LAYN: variants seen among roughly 807,000 people sequenced by gnomAD.
LAYN encodes layilin.
LAYN carries 38 observed loss-of-function variants against 43.6 expected under a neutral mutation model. That is an observed-to-expected ratio of 0.87 (90% CI 0.67 to 1.14). The LOEUF (loss-of-function observed/expected upper bound fraction) is 1.14. Ranked by LOEUF, LAYN falls within the 50% of genes most tolerant of loss-of-function variation. LAYN has a pLI of 0.00. For synonymous variants in LAYN, 168 were observed against 172.9 expected (o/e 0.97, Z 0.22); for missense variants, 479 against 463.8 (o/e 1.03, Z -0.30).
chr11:111,556,468 C>A (rs553986918), intron 5 of LAYN, among the ~76,000 whole-genome samples: 2 of 152,350 alleles, frequency 1.3e-5, no homozygotes, highest in East Asian at 3.9e-4. Flanking sequence ...CAGCCCCCGT[C>A]TGAATCATCT....
Position 111,560,643 on chromosome 11 carries a change from C to T in LAYN, c.*185C>T, listed in dbSNP as rs1867940257. The T allele has an allele frequency of 3.2e-6, 2 of 626,124 alleles. No individual in the cohort carries two copies. The highest frequency in any genetic ancestry group is 5.4e-6 in the Non-Finnish European group (2 of 368,404). The allele number at this position is 626,124 out of a possible 1,614,324, so 38.8% of individuals were successfully genotyped here. Reference sequence around the variant, plus strand: ...TTTTGGCTGTATCCTTTATCCCAGCCAGTCATCCAGCTCGACCTTATGAGA... The same window carrying T: ...TTTTGGCTGTATCCTTTATCCCAGCTAGTCATCCAGCTCGACCTTATGAGA... On this transcript the variant is annotated 3_prime_UTR_variant, in exon 7 of 7. Transcript: ENST00000375614.
intron 1 of LAYN, chr11:111,541,672 G>A: frequency 5.5e-6 from 7 of 1,269,648 alleles, no homozygotes; most frequent in Non-Finnish European, 7.7e-6. Context: ...TCCTTTTTGC[G>A]GGTGCCAACA....
In LAYN at chr11:111,560,136, C is replaced by G; in HGVS notation, c.803C>G (p.Thr268Ser). The G allele has an allele frequency of 6.2e-7, 1 of 1,613,808 alleles. No individual in the cohort carries two copies. The highest frequency in any genetic ancestry group is 1.3e-5 in the African/African-American group (1 of 75,022). Residue 268 changes from threonine (T) to serine (S), a missense_variant, in exon 7 of 7, where the codon ACC (threonine) becomes AGC (serine). Transcript: ENST00000375614. ...QPDPSTKKQH[T>S]IWPSPHQGNS... is the part of the protein sequence containing the mutation. ...GACCCTAGCACAAAGAAGCAACACA[C>G]CATCTGGCCCTCTCCTCACCAGGGA...
At chr11:111,549,466 T>G (rs1867701551) in intron 2 of LAYN, 152 bp from the exon 3 acceptor site, 1 of 560,448 alleles carries the variant, frequency 1.8e-6, no homozygotes, top group Non-Finnish European at 2.9e-6. Flanking sequence ...TTCTGCTTAC[T>G]GGCAGTACTT....
intron 2 of LAYN, among the ~76,000 whole-genome samples, chr11:111,546,962 G>C (rs751380865): frequency 1.3e-5 from 2 of 152,144 alleles, no homozygotes; most frequent in Non-Finnish European, 2.9e-5. Context: ...TCTAATAATA[G>C]GAGCTGCTGC....
Position 111,548,036 on chromosome 11 carries a change from G to A in LAYN, c.384-1582G>A, listed in dbSNP as rs538831606. Reference sequence around the variant, plus strand: ...TCAATTCATATATTTGGGGACTGGGGAATGATGACTGGCTGGGTGCCACTA... The same window carrying A: ...TCAATTCATATATTTGGGGACTGGGAAATGATGACTGGCTGGGTGCCACTA... On this transcript the variant is annotated intron_variant, in intron 2 of 6. Coordinates refer to ENST00000375614, the MANE Select transcript of LAYN (RefSeq NM_178834.5). Among the ~76,000 whole-genome samples, 13 of 152,336 alleles carry A rather than the reference G, an allele frequency of 8.5e-5. No individual in the cohort carries two copies. The South Asian group carries it at 2.7e-3, about 32-fold the overall frequency.
chr11:111,560,550 T>C lies in LAYN; in HGVS notation c.*92T>C, dbSNP rs2135808115. 7.3e-7 allele frequency: 1 copy of C among 1,377,372 alleles called. No individual in the cohort carries two copies. Among genetic ancestry groups the C allele is most frequent in the South Asian group, 1.5e-5 (1 of 67,964 alleles). The allele number at this position is 1,377,372 out of a possible 1,614,324, so 85.3% of individuals were successfully genotyped here. ...ATAAGGAAAATACACAGAAGGTCTATGAACAAGCTTAGATCAGGTCCTGTG... is the reference window on the plus strand; with the variant it reads ...ATAAGGAAAATACACAGAAGGTCTACGAACAAGCTTAGATCAGGTCCTGTG... On this transcript the variant is annotated 3_prime_UTR_variant, in exon 7 of 7. Transcript: ENST00000375614.
At chr11:111,555,579 G>A (rs1867823639) in intron 5 of LAYN, among the ~76,000 whole-genome samples, 1 of 152,186 alleles carries the variant, frequency 6.6e-6, no homozygotes, top group Non-Finnish European at 1.5e-5. Context: ...GTGGAGTGAG[G>A]ACTGAGAGAG....
rs775304976 is a variant in LAYN, at chr11:111,557,562, A to G, written c.680A>G (p.Tyr227Cys). The change falls in exon 6 of 7, where the codon TAC (tyrosine) becomes TGC (cysteine). Residue 227 changes from tyrosine (Y) to cysteine (C), a missense_variant. Transcript: ENST00000375614. ...ESREAALNLA[Y>C]ILIPSIPLLL... ...TCAGAAGCTGCCTTGAATCTGGCCT[A>G]CATCCTAATCCCCAGCATTCCCCTT... 6.2e-7 allele frequency: 1 copy of G among 1,613,968 alleles called. No homozygotes were observed. The highest frequency in any genetic ancestry group is 1.3e-5 in the African/African-American group (1 of 74,934).
Position 111,560,616 on chromosome 11 carries a change from C to G in LAYN, c.*158C>G, listed in dbSNP as rs369172638. The G allele has an allele frequency of 6.3e-6, 5 of 795,526 alleles. No homozygotes were observed. In the East Asian group the frequency reaches 1.4e-4, roughly 22 times the overall value. The allele number at this position is 795,526 out of a possible 1,614,324, so 49.3% of individuals were successfully genotyped here. ...CCCACGACCTCCTGTTGGACCCCCA[C>G]GTTTTGGCTGTATCCTTTATCCCAG... On this transcript the variant is annotated 3_prime_UTR_variant, in exon 7 of 7. Coordinates refer to ENST00000375614, the MANE Select transcript of LAYN (RefSeq NM_178834.5).
rs1428270810 is a variant in LAYN at position 111,541,041 on chromosome 11, C to T, written c.85+113C>T. ...ATGGGACTAGAAGGCCGTCCCATGC[C>T]CCACTCCCAGACGCAGCCCTTCGGA... On this transcript the variant is annotated intron_variant, in intron 1 of 6. Transcript: ENST00000375614. 46 of 949,428 alleles carry T rather than the reference C, an allele frequency of 4.8e-5. 1 individual carries two copies. Among genetic ancestry groups the T allele is most frequent in the South Asian group, 4.6e-4 (29 of 62,380 alleles). The allele number at this position is 949,428 out of a possible 1,614,324, so 58.8% of individuals were successfully genotyped here.
At chr11:111,549,281 A>G (rs1318740979) in intron 2 of LAYN, among the ~76,000 whole-genome samples, 1 of 152,204 alleles carries the variant, frequency 6.6e-6, no homozygotes, top group Non-Finnish European at 1.5e-5. Flanking sequence ...AAAAAGACAA[A>G]CAAACCCAAT....
chr11:111,543,916 T>C lies in LAYN; in HGVS notation c.86-7T>C, dbSNP rs1485909020. The C allele has an allele frequency of 6.3e-7, 1 of 1,595,744 alleles. No individual in the cohort carries two copies. Among genetic ancestry groups the C allele is most frequent in the South Asian group, 1.1e-5 (1 of 87,766 alleles). On this transcript the variant is annotated splice_region_variant and splice_polypyrimidine_tract_variant and intron_variant, in intron 1 of 6. Coordinates refer to ENST00000375614, the MANE Select transcript of LAYN (RefSeq NM_178834.5). Reference sequence around the variant, plus strand: ...CACTGAAATAGATTGGCTTCTTTTTTCTCTAGGGCAGCCAGTCTGCCGGGG... The same window carrying C: ...CACTGAAATAGATTGGCTTCTTTTTCCTCTAGGGCAGCCAGTCTGCCGGGG...
chr11:111,544,120 G>A lies in LAYN; in HGVS notation c.283G>A (p.Asp95Asn). Residue 95 changes from aspartate to asparagine, a missense_variant, in exon 2 of 7, where the codon GAC (aspartate) becomes AAC (asparagine). By Grantham distance (23) the Asp-to-Asn change is conservative (BLOSUM62 1). Transcript: ENST00000375614. The stretch of plus-strand genomic sequence containing the variant: ...TGAAAACCTCTTGCCATCTGATGGT[G>A]ACTTCTGGATTGGGCTCAGGAGGCG... ...FIENLLPSDG[D>N]FWIGLRRREE... 1.2e-6 allele frequency: 2 copies of A among 1,614,206 alleles called. No individual in the cohort carries two copies. The highest frequency in any genetic ancestry group is 8.5e-7 in the Non-Finnish European group (1 of 1,180,044).
intron 3 of LAYN, among the ~76,000 whole-genome samples, chr11:111,552,346 A>T (rs1475545055): frequency 6.6e-6 from 1 of 152,168 alleles, no homozygotes; most frequent in Non-Finnish European, 1.5e-5. Flanking sequence ...CCCCTTCACT[A>T]CATGATTGGC....
intron 5 of LAYN, among the ~76,000 whole-genome samples, chr11:111,556,414 A>G (rs1293793713): frequency 6.6e-6 from 1 of 152,168 alleles, no homozygotes; most frequent in Admixed American, 6.5e-5. Context: ...ACTAGGCTCA[A>G]AGCCCCAACC....
chr11:111,543,701 A>G (rs919410951), intron 1 of LAYN, among the ~76,000 whole-genome samples: 3 of 152,368 alleles, frequency 2.0e-5, no homozygotes, highest in South Asian at 4.1e-4. Flanking sequence ...CAAACAAAAC[A>G]TGATGTCCCT....
chr11:111,541,700 AGAG>A (rs1445320048), intron 1 of LAYN: 10 of 885,216 alleles, frequency 1.1e-5, no homozygotes, highest in Non-Finnish European at 1.8e-5. Flanking sequence ...CAAACGGGAC[AGAG>A]GAGACTGGGA....
At position 111,549,676 on chromosome 11, in the gene LAYN, C is replaced by A. The variant is rs1351167546; in HGVS notation, c.442C>A (p.Gln148Lys). The A allele has an allele frequency of 6.2e-7, 1 of 1,603,258 alleles. No homozygotes were observed. The highest frequency in any genetic ancestry group is 1.1e-5 in the South Asian group (1 of 88,552). ...CGAGGTCTGCGTGGTCATGTACCAT[C>A]AGCCATCGGCACCCGCTGGCATCGG... ...GSEVCVVMYHQPSAPAGIGGP... is the reference protein window; with the variant it reads ...GSEVCVVMYHKPSAPAGIGGP... Residue 148 changes from glutamine to lysine, a missense_variant, in exon 3 of 7, where the codon CAG becomes AAG. By Grantham distance (53) the Gln-to-Lys change is moderately conservative (BLOSUM62 1). Coordinates refer to ENST00000375614, the MANE Select transcript of LAYN (RefSeq NM_178834.5).
Sources: allele counts gnomAD v4.1 joint callset (sites outside exome capture counted in the v4.1 genomes callset), GRCh38; gene constraint gnomAD v4.1.1; transcripts MANE v1.5; gene names NCBI Gene and HGNC (gene_info 2026-07-23, HGNC 2026-07-21).